The following IQSEC3 variants were observed in gnomAD, a reference collection of about 807,000 sequenced individuals.
The protein encoded by IQSEC3 is IQ motif and SEC7 domain-containing protein 3.
IQSEC3 carries 50 observed loss-of-function variants against 105.4 expected under a neutral mutation model. That is an observed-to-expected ratio of 0.47 (90% CI 0.38 to 0.60). The LOEUF is 0.60. IQSEC3 is among the 20% of genes least tolerant of loss of function. The probability of loss-of-function intolerance (pLI) is 0.00; values close to 1 mark genes in which losing one functional copy is unlikely to be tolerated. For missense variants in IQSEC3, 1,415 were observed against 1,630.0 expected, an observed-to-expected ratio of 0.87 and a Z score of 2.27; for synonymous variants, 708 against 746.0, an observed-to-expected ratio of 0.95 and a Z score of 0.83.
intron 5 of IQSEC3, chr12:148,685 G>C (rs543444921): frequency 6.6e-6 from 1 of 152,204 alleles, no homozygotes; most frequent in East Asian, 1.9e-4. Flanking sequence ...TCTGGAGGAT[G>C]GGGATATTTT....
intron 7 of IQSEC3, among the ~76,000 whole-genome samples, chr12:158,901 C>T (rs1482718365): frequency 5.9e-5 from 9 of 152,212 alleles, no homozygotes; most frequent in Non-Finnish European, 1.2e-4. Context: ...TCAGGTGATC[C>T]GCCTGCCTCA....
Position 165,550 on chromosome 12 carries a change from C to CAGTGTAAGTCTTTGACAGCA in IQSEC3, c.2809+32_2809+33insCAGCAAGTGTAAGTCTTTGA. On this transcript the variant is annotated intron_variant, in intron 10 of 13. Transcript: ENST00000538872. The stretch of plus-strand genomic sequence containing the variant: ...AGAACGAGTGTAAGTCTTTGACAGC[C>CAGTGTAAGTCTTTGACAGCA]AGTGTAAGTCTTTGAGAAGGAATGA... 1 of 1,606,802 alleles carries CAGTGTAAGTCTTTGACAGCA rather than the reference C, an allele frequency of 6.2e-7. No homozygotes were observed. The highest frequency in any genetic ancestry group is 8.5e-7 in the Non-Finnish European group (1 of 1,173,312).
Position 139,106 on chromosome 12 carries a change from G to T in IQSEC3, c.1743G>T (p.Ala581=). The T allele has an allele frequency of 6.6e-7, 1 of 1,504,732 alleles. No homozygotes were observed. Among genetic ancestry groups the T allele is most frequent in the Non-Finnish European group, 8.9e-7 (1 of 1,125,476 alleles). The allele number at this position is 1,504,732 out of a possible 1,614,324, so 93.2% of individuals were successfully genotyped here. The change falls in exon 4 of 14, where the codon GCG becomes GCT. Residue 581 remains alanine (A), a synonymous_variant. Transcript: ENST00000538872. ...TEEEEEEEET[A]EVGRGAEAEA... is the part of the protein sequence containing the mutation. Reference sequence around the variant, plus strand: ...AGGAAGAGGAGGAGGAGGAGACGGCGGAGGTGGGGAGAGGGGCCGAGGCCG... The same window carrying T: ...AGGAAGAGGAGGAGGAGGAGACGGCTGAGGTGGGGAGAGGGGCCGAGGCCG...
chr12:79,595 T>A (rs1361594527), intron 1 of IQSEC3, among the ~76,000 whole-genome samples: 2 of 152,022 alleles, frequency 1.3e-5, no homozygotes, highest in Non-Finnish European at 2.9e-5. Context: ...GACACCTGAC[T>A]AATTTTCTTT....
chr12:146,032 T>C (rs1343723886), intron 5 of IQSEC3, among the ~76,000 whole-genome samples: 1 of 152,212 alleles, frequency 6.6e-6, no homozygotes, highest in South Asian at 2.1e-4. Flanking sequence ...CCAAGACATA[T>C]CAGGGTTTGA....
At chr12:153,196 G>C (rs917457406) in intron 5 of IQSEC3, among the ~76,000 whole-genome samples, 2 of 152,076 alleles carry the variant, frequency 1.3e-5, no homozygotes, top group Non-Finnish European at 2.9e-5. Context: ...CTTCCAGGGG[G>C]ACACGGACCC....
chr12:101,745 C>T lies in IQSEC3; in HGVS notation c.623+2531C>T, dbSNP rs564377962. Among the ~76,000 whole-genome samples, 7 of 152,236 alleles carry T rather than the reference C, an allele frequency of 4.6e-5. No homozygotes were observed. The South Asian group carries it at 8.3e-4, about 18-fold the overall frequency. ...TCTGATGTGGCTTTCCTGGCTTCTC[C>T]GAGAGGAGACCCTCTGGATGTTTTC... is the stretch of plus-strand genomic sequence containing the variant. On this transcript the variant is annotated intron_variant, in intron 2 of 13. Coordinates refer to ENST00000538872, the MANE Select transcript of IQSEC3 (RefSeq NM_001170738.2).
intron 7 of IQSEC3, among the ~76,000 whole-genome samples, chr12:159,662 G>T (rs782456137): frequency 2.0e-5 from 3 of 152,154 alleles, no homozygotes; most frequent in Non-Finnish European, 4.4e-5. Context: ...AGGGTCTTCT[G>T]TCTGCCTTCG....
At chr12:148,869 A>C (rs1866391272) in intron 5 of IQSEC3, 1 of 152,076 alleles carries the variant, frequency 6.6e-6, no homozygotes, top group African/African-American at 2.4e-5. Flanking sequence ...GCCAATTAAA[A>C]ATCCCTGCTG....
intron 2 of IQSEC3, among the ~76,000 whole-genome samples, chr12:118,971 T>G (rs529931093): frequency 2.6e-5 from 4 of 152,366 alleles, no homozygotes; most frequent in African/African-American, 7.2e-5. Context: ...CCTTCTCACC[T>G]ATTCCTGGGT....
rs143680082 is a variant in IQSEC3 at position 137,178 on chromosome 12, C to T, written c.904-1089C>T. Among the ~76,000 whole-genome samples the T allele has an allele frequency of 1.8e-3, 270 of 152,240 alleles. 3 individuals carry two copies. Among genetic ancestry groups the T allele is most frequent in the African/African-American group, 6.3e-3 (260 of 41,562 alleles). ...CCCACTCAACTTTTTAGCAAATCCA[C>T]GTTTACTGAGCAGCTAACTATGTAC... is the stretch of plus-strand genomic sequence containing the variant. On this transcript the variant is annotated intron_variant, in intron 3 of 13. Coordinates refer to ENST00000538872, the MANE Select transcript of IQSEC3 (RefSeq NM_001170738.2).
intron 3 of IQSEC3, 51 bp downstream of exon 3, chr12:125,963 T>C (rs1454927052): frequency 2.0e-6 from 3 of 1,499,400 alleles, no homozygotes; most frequent in African/African-American, 1.4e-5. Flanking sequence ...GGGCCCTGCT[T>C]TGGGGGCTGT....
Position 66,999 on chromosome 12 carries a change from G to A in IQSEC3, c.117G>A (p.Leu39=). 1 of 1,532,164 alleles carries A rather than the reference G, an allele frequency of 6.5e-7. No homozygotes were observed. The highest frequency in any genetic ancestry group is 8.7e-7 in the Non-Finnish European group (1 of 1,145,330). 94.9% of individuals were successfully genotyped at this position (1,532,164 alleles called of 1,614,324 possible). A position where few individuals can be genotyped will look rare whatever the true frequency, so the allele number is the denominator to read the frequency against. The change falls in exon 1 of 14, where the codon CTG becomes CTA. Residue 39 remains leucine, a synonymous_variant. Transcript: ENST00000538872. ...IHTQRERIDE[L]ERRLDELSAE... ...CCCAGCGAGAGCGTATCGACGAGCT[G>A]GAGCGGCGGCTGGACGAGCTGAGCG...
intron 1 of IQSEC3, among the ~76,000 whole-genome samples, chr12:78,197 T>A (rs1457006307): frequency 1.3e-5 from 2 of 150,964 alleles, no homozygotes; most frequent in South Asian, 2.1e-4. Flanking sequence ...CGCCGCCTCC[T>A]CCCGCGTTCC....
chr12:119,921 C>T (rs1555081546), intron 2 of IQSEC3, among the ~76,000 whole-genome samples: 1 of 152,182 alleles, frequency 6.6e-6, no homozygotes, highest in African/African-American at 2.4e-5. Context: ...GAAGTCCTCC[C>T]TTGAAGGAGG....
At chr12:91,101 C>A (rs1199164666) in intron 1 of IQSEC3, among the ~76,000 whole-genome samples, 1 of 152,164 alleles carries the variant, frequency 6.6e-6, no homozygotes, top group East Asian at 1.9e-4. Flanking sequence ...AGTCTGCTAT[C>A]CTCAGCTTGG....
In IQSEC3 at chr12:138,761, C is replaced by T. The variant is rs1865883083; in HGVS notation, c.1398C>T (p.Asp466=). 1.3e-6 allele frequency: 2 copies of T among 1,568,200 alleles called. No individual in the cohort carries two copies. The highest frequency in any genetic ancestry group is 1.7e-4 in the Middle Eastern group (1 of 5,862). ...GCGCGGGCCCCGGGCCCGGGGATGA[C>T]GCCGCGGAGACCCCCGGCCTGCCCC... The part of the protein sequence containing the change: ...PESAGPGPGD[D]AAETPGLPPA... Residue 466 remains aspartate (D), a synonymous_variant, in exon 4 of 14, where the codon GAC becomes GAT. Transcript: ENST00000538872. The surrounding 1 kb of genome is among the most constrained non-coding windows in gnomAD (Gnocchi z 7.1).
At chr12:168,421 AGGCGCC>A (rs150164077) in intron 11 of IQSEC3, among the ~76,000 whole-genome samples, 1,890 of 152,240 alleles carry the variant, frequency 0.012, 14 homozygotes, top group Middle Eastern at 0.037. Context: ...CCGTCCTCCC[AGGCGCC>A]GGGTGGAGAG....
chr12:175,957 G>C lies in IQSEC3; in HGVS notation c.*924G>C, dbSNP rs1171450767. Reference sequence around the variant, plus strand: ...GCAGGAATGTGCCCAGCAGAGATGGGGCTCAGCCCGAGGCAGGGCTCCCTC... The same window carrying C: ...GCAGGAATGTGCCCAGCAGAGATGGCGCTCAGCCCGAGGCAGGGCTCCCTC... On this transcript the variant is annotated 3_prime_UTR_variant, in exon 14 of 14. Coordinates refer to ENST00000538872, the MANE Select transcript of IQSEC3 (RefSeq NM_001170738.2). 1 of 152,242 alleles carries C rather than the reference G, an allele frequency of 6.6e-6. No homozygotes were observed. Among genetic ancestry groups the C allele is most frequent in the Non-Finnish European group, 1.5e-5 (1 of 68,062 alleles). 9.4% of individuals were successfully genotyped at this position (152,242 alleles called of 1,614,324 possible).
Sources: allele counts gnomAD v4.1 joint callset (sites outside exome capture counted in the v4.1 genomes callset), GRCh38; gene constraint gnomAD v4.1.1; non-coding constraint Gnocchi (gnomAD v3.1); transcripts MANE v1.5; gene names NCBI Gene and HGNC (gene_info 2026-07-23, HGNC 2026-07-21).